SLC22A24: variants seen among roughly 807,000 people sequenced by gnomAD.
SLC22A24 encodes the protein solute carrier family 22 member 24, also known as steroid transmembrane transporter SLC22A24.
Under a neutral mutation model 49.8 loss-of-function variants are expected in SLC22A24, and 53 were observed. That is an observed-to-expected ratio of 1.06 (90% CI 0.85 to 1.34). The LOEUF is 1.34. Among genes scored for constraint, SLC22A24 ranks in the 40% most tolerant of loss-of-function variants. The pLI is 0.00. For missense variants in SLC22A24, 786 were observed against 675.9 expected (o/e 1.16, Z -1.81); for synonymous variants, 302 against 256.4 (o/e 1.18, Z -1.70).
At chr11:63,113,053 TAC>T (rs1555048851) in intron 4 of SLC22A24, among the ~76,000 whole-genome samples, 1 of 4,226 alleles carries the variant, frequency 2.4e-4, no homozygotes, top group East Asian at 0.045. Context: ...TATATATATA[TAC>T]ATATATATAT....
intron 5 of SLC22A24, among the ~76,000 whole-genome samples, chr11:63,097,138 A>G (rs1450173926): frequency 6.6e-6 from 1 of 152,118 alleles, no homozygotes; most frequent in African/African-American, 2.4e-5. Context: ...CAGGCAACCT[A>G]CAGAATGGGA....
rs534044215 is a variant in SLC22A24 at position 63,110,169 on chromosome 11, G to A, written c.831-5871C>T. ...GATCAGATAGTTGTAGATATGCGGC[G>A]TTATTTCTGAGGGCTCTGTTCTGTT... On this transcript the variant is annotated intron_variant, in intron 4 of 9. Transcript: ENST00000612278. Among the ~76,000 whole-genome samples, 77 of 150,410 alleles carry A rather than the reference G, an allele frequency of 5.1e-4. 2 individuals are homozygous for A. The highest frequency in any genetic ancestry group is 2.0e-4 in the East Asian group (1 of 5,050).
chr11:63,121,880 A>T (rs1259164826), intron 2 of SLC22A24, among the ~76,000 whole-genome samples: 1 of 152,104 alleles, frequency 6.6e-6, no homozygotes, highest in Non-Finnish European at 1.5e-5. Flanking sequence ...ATGAGTGAGA[A>T]CATGCAGGAT....
At chr11:63,119,121 G>A (rs1206175360) in intron 3 of SLC22A24, 41 bp from the exon 4 acceptor site, 1 of 1,525,916 alleles carries the variant, frequency 6.6e-7, no homozygotes, top group Non-Finnish European at 8.8e-7. Context: ...TTAGACAAAT[G>A]GTAATTTCAA....
At chr11:63,102,851 C>G (rs2087099459) in intron 5 of SLC22A24, among the ~76,000 whole-genome samples, 1 of 152,082 alleles carries the variant, frequency 6.6e-6, no homozygotes, top group Non-Finnish European at 1.5e-5. Flanking sequence ...CTCCTTGTAC[C>G]TCATGTCTCT....
At chr11:63,087,153 C>G (rs2086992690) in intron 6 of SLC22A24, among the ~76,000 whole-genome samples, 1 of 151,530 alleles carries the variant, frequency 6.6e-6, no homozygotes, top group South Asian at 2.1e-4. Context: ...CCAAGATGGC[C>G]AAGTGGGAAC....
chr11:63,142,877 G>T (rs915272259), intron 1 of SLC22A24, among the ~76,000 whole-genome samples: 1 of 152,092 alleles, frequency 6.6e-6, no homozygotes, highest in African/African-American at 2.4e-5. Context: ...TGCTCAGGGA[G>T]ACTAATTTGA....
chr11:63,081,978 G>A (rs947910352), intron 7 of SLC22A24, among the ~76,000 whole-genome samples: 5 of 152,170 alleles, frequency 3.3e-5, no homozygotes, highest in Non-Finnish European at 5.9e-5. Context: ...AATATTTTCT[G>A]TGTACTTCCA....
intron 2 of SLC22A24, among the ~76,000 whole-genome samples, chr11:63,127,988 C>T (rs2087304614): frequency 6.7e-6 from 1 of 150,164 alleles, no homozygotes; most frequent in Non-Finnish European, 1.5e-5. Context: ...GGCGGCAAGC[C>T]ACCCAGGCAC....
chr11:63,116,388 TG>T (rs1238378129), intron 4 of SLC22A24: 1 of 178,186 alleles, frequency 5.6e-6, no homozygotes, highest in Non-Finnish European at 1.2e-5. Flanking sequence ...CAGAAGGCTC[TG>T]GCAGATTTTT....
intron 4 of SLC22A24, among the ~76,000 whole-genome samples, chr11:63,109,057 T>C (rs571638585): frequency 1.4e-5 from 2 of 146,252 alleles, no homozygotes; most frequent in African/African-American, 5.1e-5. Context: ...CCATGTGTTC[T>C]CATTGTTCAG....
chr11:63,083,483 C>T, intron 6 of SLC22A24, 26 bp from the exon 7 acceptor site: 4 of 1,508,714 alleles, frequency 2.7e-6, no homozygotes, highest in Non-Finnish European at 3.6e-6. Context: ...AGGACAAAGA[C>T]ATATTCAATA....
chr11:63,080,761 G>A (rs2086954758), intron 9 of SLC22A24, among the ~76,000 whole-genome samples, 159 bp downstream of exon 9: 1 of 152,174 alleles, frequency 6.6e-6, no homozygotes, highest in Non-Finnish European at 1.5e-5. Context: ...GATAGGGTAG[G>A]CTGCTACTGA....
intron 1 of SLC22A24, among the ~76,000 whole-genome samples, chr11:63,138,245 ATTCT>A (rs2087389094): frequency 6.6e-6 from 1 of 152,076 alleles, no homozygotes; most frequent in South Asian, 2.1e-4. Context: ...CCATGCAGGG[ATTCT>A]TTCTTTTTGT....
chr11:63,122,907 A>G (rs1468734789), intron 2 of SLC22A24, among the ~76,000 whole-genome samples: 1 of 152,198 alleles, frequency 6.6e-6, no homozygotes, highest in African/African-American at 2.4e-5. Flanking sequence ...TACAGTAATC[A>G]GAATGGGGTG....
intron 7 of SLC22A24, among the ~76,000 whole-genome samples, chr11:63,082,330 C>T (rs900042115): frequency 9.2e-5 from 14 of 152,126 alleles, no homozygotes; most frequent in Admixed American, 3.3e-4. Context: ...ACCATTGACA[C>T]TGAAAATTCA....
chr11:63,090,506 C>T (rs1029034803), intron 6 of SLC22A24, among the ~76,000 whole-genome samples: 1 of 151,956 alleles, frequency 6.6e-6, no homozygotes, highest in Non-Finnish European at 1.5e-5. Flanking sequence ...ATAACAGTCT[C>T]TCAGACCACA....
intron 6 of SLC22A24, among the ~76,000 whole-genome samples, chr11:63,095,357 T>C (rs1474652507): frequency 6.6e-6 from 1 of 152,188 alleles, no homozygotes; most frequent in Non-Finnish European, 1.5e-5. Flanking sequence ...AGATAACTTA[T>C]GGAATATTCA....
At chr11:63,106,524 G>A (rs1217602401) in intron 4 of SLC22A24, among the ~76,000 whole-genome samples, 1 of 152,138 alleles carries the variant, frequency 6.6e-6, no homozygotes. Flanking sequence ...TTCCACAATG[G>A]TTGTCACTAG....
Sources: gnomAD v4.1 joint callset for allele counts (sites outside exome capture counted in the v4.1 genomes callset) on GRCh38, gnomAD v4.1.1 for gene constraint, MANE v1.5 for transcripts, NCBI Gene and HGNC (gene_info 2026-07-23, HGNC 2026-07-21) for gene names.